Variants in RNLS observed in about 807,000 individuals in gnomAD.
RNLS encodes the protein renalase.
In RNLS, 39 loss-of-function variants were observed where a neutral mutation model predicts 39.8. The observed-to-expected ratio is 0.98, with a 90% CI of 0.76 to 1.28. The LOEUF is 1.28. Among genes scored for constraint, RNLS ranks in the 50% most tolerant of loss-of-function variants. The pLI, the probability that RNLS is intolerant of heterozygous loss-of-function variation, is 0.00. For synonymous variants in RNLS, 147 were observed against 150.7 expected (o/e 0.98, Z 0.18); for missense variants, 410 against 413.3 (o/e 0.99, Z 0.07).
intron 4 of RNLS, among the ~76,000 whole-genome samples, chr10:88,394,498 C>T (rs1852422281): frequency 6.6e-6 from 1 of 152,184 alleles, no homozygotes; most frequent in Admixed American, 6.5e-5. Flanking sequence ...AATGAGATAC[C>T]ATCTCACGCC....
chr10:88,433,239 A>G (rs1247551342), intron 4 of RNLS, among the ~76,000 whole-genome samples: 2 of 152,056 alleles, frequency 1.3e-5, no homozygotes, highest in Non-Finnish European at 2.9e-5. Context: ...TAAGACCCAA[A>G]TATCTGTAAG....
chr10:88,456,920 C>T (rs867431450), intron 4 of RNLS, among the ~76,000 whole-genome samples: 11 of 152,156 alleles, frequency 7.2e-5, no homozygotes, highest in African/African-American at 2.4e-4. Flanking sequence ...TGCACAATAT[C>T]AGTGGCTTTT....
At chr10:88,512,470 T>C (rs1379744470) in intron 4 of RNLS, among the ~76,000 whole-genome samples, 2 of 151,946 alleles carry the variant, frequency 1.3e-5, no homozygotes, top group East Asian at 3.9e-4. Flanking sequence ...CCAAACAACA[T>C]AGGTAATACA....
chr10:88,505,351 G>A (rs549174884), intron 4 of RNLS, among the ~76,000 whole-genome samples: 9 of 151,818 alleles, frequency 5.9e-5, no homozygotes, highest in Admixed American at 2.0e-4. Context: ...AGAGGGAAAG[G>A]AGGAAAGGTA....
At chr10:88,222,071 GT>G in the RNLS span, among the ~76,000 whole-genome samples, 1 of 152,138 alleles carries the variant, frequency 6.6e-6, no homozygotes, top group Non-Finnish European at 1.5e-5. Context: ...GAGGGGTTGG[GT>G]TTTTTAATTA....
At chr10:88,172,033 T>C in the RNLS span, among the ~76,000 whole-genome samples, 1 of 152,226 alleles carries the variant, frequency 6.6e-6, no homozygotes. Flanking sequence ...CTACTGTGTA[T>C]ATAGAAAAGG....
At chr10:88,223,047 CT>C in the RNLS span, among the ~76,000 whole-genome samples, 3 of 152,334 alleles carry the variant, frequency 2.0e-5, no homozygotes, top group African/African-American at 7.2e-5. Context: ...AGTATCACCC[CT>C]ATATGATTAA....
At chr10:88,539,878 T>C (rs1219431397) in intron 4 of RNLS, among the ~76,000 whole-genome samples, 1 of 152,110 alleles carries the variant, frequency 6.6e-6, no homozygotes, top group Non-Finnish European at 1.5e-5. Flanking sequence ...TATTCACCTT[T>C]ATTTGTTCCA....
At chr10:88,354,542 G>GC (rs746725693) in intron 5 of RNLS, among the ~76,000 whole-genome samples, 174 of 152,046 alleles carry the variant, frequency 1.1e-3, no homozygotes, top group Non-Finnish European at 1.1e-3. Flanking sequence ...TTGAATATTG[G>GC]CCCCCCCTCT....
intron 6 of RNLS, among the ~76,000 whole-genome samples, chr10:88,310,801 C>CA (rs577838661): frequency 0.032 from 620 of 19,336 alleles, 25 homozygotes; most frequent in Middle Eastern, 0.091. Context: ...CTACCTCTGC[C>CA]AAAAAAAAAA....
At chr10:88,229,535 A>T in the RNLS span, among the ~76,000 whole-genome samples, 300 of 152,368 alleles carry the variant, frequency 2.0e-3, 1 homozygote, top group African/African-American at 6.7e-3. Context: ...ATATTATGTA[A>T]GTCACCTATT....
At chr10:88,267,557 A>G in the RNLS span, among the ~76,000 whole-genome samples, 1 of 152,228 alleles carries the variant, frequency 6.6e-6, no homozygotes, top group Non-Finnish European at 1.5e-5. Flanking sequence ...CTTGGGCAAC[A>G]GAGTGAGACC....
chr10:88,482,405 C>G (rs915645260), intron 4 of RNLS, among the ~76,000 whole-genome samples: 1 of 152,108 alleles, frequency 6.6e-6, no homozygotes, highest in African/African-American at 2.4e-5. Flanking sequence ...CTGATTCTCT[C>G]TCCTATCATC....
At chr10:88,191,398 TA>T in the RNLS span, among the ~76,000 whole-genome samples, 1 of 151,366 alleles carries the variant, frequency 6.6e-6, no homozygotes, top group African/African-American at 2.5e-5. Flanking sequence ...TAATTTTAAT[TA>T]ATTTTTTTCA....
chr10:88,564,352 C>T (rs1303242284), intron 4 of RNLS, among the ~76,000 whole-genome samples: 1 of 151,944 alleles, frequency 6.6e-6, no homozygotes, highest in African/African-American at 2.4e-5. Flanking sequence ...CACACATGCA[C>T]ACACACACAT....
chr10:88,203,644 T>C, the RNLS span, among the ~76,000 whole-genome samples: 8 of 150,064 alleles, frequency 5.3e-5, no homozygotes, highest in South Asian at 1.7e-3. Context: ...GGGGTGAAAA[T>C]AGAAATTTTC....
chr10:88,455,796 G>GA (rs1842598779), intron 4 of RNLS, among the ~76,000 whole-genome samples: 1 of 152,102 alleles, frequency 6.6e-6, no homozygotes, highest in South Asian at 2.1e-4. Context: ...ATTTCTGTTA[G>GA]AAAAAACTCC....
intron 5 of RNLS, among the ~76,000 whole-genome samples, chr10:88,354,389 G>C (rs1240157906): frequency 6.6e-6 from 1 of 152,064 alleles, no homozygotes; most frequent in African/African-American, 2.4e-5. Flanking sequence ...CTTCCTTCAG[G>C]AGCTCTTGTA....
the RNLS span, among the ~76,000 whole-genome samples, chr10:88,203,039 G>A: frequency 1.3e-5 from 2 of 151,748 alleles, no homozygotes; most frequent in Non-Finnish European, 2.9e-5. Flanking sequence ...CCAGGAAAAG[G>A]AGTCTCCACT....
Sources: allele counts gnomAD v4.1 joint callset (sites outside exome capture counted in the v4.1 genomes callset), GRCh38; gene constraint gnomAD v4.1.1; transcripts MANE v1.5; gene names NCBI Gene and HGNC (gene_info 2026-07-23, HGNC 2026-07-21).